The following PARD3B variants were observed in gnomAD, a reference collection of about 807,000 sequenced individuals.
The protein encoded by PARD3B is partitioning defective 3 homolog B.
A neutral mutation model predicts 130.2 loss-of-function variants in PARD3B; 103 were observed. That is an observed-to-expected ratio of 0.79 (90% CI 0.67 to 0.93). The LOEUF is 0.93. PARD3B is among the 40% of genes least tolerant of loss of function. The probability of loss-of-function intolerance (pLI) is 0.00; values close to 1 mark genes in which losing one functional copy is unlikely to be tolerated. For synonymous variants in PARD3B, 583 were observed against 553.2 expected (o/e 1.05, Z -0.76); for missense variants, 1,609 against 1,499.2 (o/e 1.07, Z -1.21).
chr2:204,931,595 A>G lies in PARD3B; in HGVS notation c.223-33557A>G, dbSNP rs1485416715. On this transcript the variant is annotated intron_variant, in intron 2 of 22. Coordinates refer to ENST00000406610, the MANE Select transcript of PARD3B (RefSeq NM_001302769.2). ...AAGTATAAATGCTTAGAAATTAACA[A>G]TTGTTTTTTTTTTTTCTCCTAAGGA... 3.0e-5 allele frequency among the ~76,000 whole-genome samples: 4 copies of G among 134,144 alleles called. No individual in the cohort carries two copies. In the East Asian group the frequency reaches 6.0e-4, roughly 20 times the overall value. 88.0% of individuals were successfully genotyped at this position (134,144 alleles called of 152,430 possible).
At chr2:204,923,858 T>C (rs373514450) in intron 2 of PARD3B, among the ~76,000 whole-genome samples, 1 of 152,204 alleles carries the variant, frequency 6.6e-6, no homozygotes. Flanking sequence ...CAAAAAATTA[T>C]AGTCAATTTC....
chr2:204,988,273 A>G (rs1008655420), intron 3 of PARD3B, among the ~76,000 whole-genome samples: 3 of 152,210 alleles, frequency 2.0e-5, no homozygotes, highest in Non-Finnish European at 2.9e-5. Context: ...ATTTTCTCAG[A>G]CAATGAATTT....
chr2:205,388,912 C>T (rs1360422160), intron 18 of PARD3B, among the ~76,000 whole-genome samples: 1 of 152,158 alleles, frequency 6.6e-6, no homozygotes, highest in African/African-American at 2.4e-5. Context: ...AATTACTCCT[C>T]ATTTTGCAGT....
At chr2:204,925,838 A>G (rs535538723) in intron 2 of PARD3B, among the ~76,000 whole-genome samples, 16 of 152,116 alleles carry the variant, frequency 1.1e-4, no homozygotes, top group Admixed American at 9.2e-4. Context: ...TCATGGGGGC[A>G]TTTTCCCCTG....
At position 205,116,143 on chromosome 2, in the gene PARD3B, A is replaced by T. The variant is rs1433250476; in HGVS notation, c.680+2566A>T. ...TCCCAGTAAAAACAAAGCAAACATAAAAAAAACACCAAAGTTCTTGCAACT... is the reference window on the plus strand; with the variant it reads ...TCCCAGTAAAAACAAAGCAAACATATAAAAAACACCAAAGTTCTTGCAACT... On this transcript the variant is annotated intron_variant, in intron 6 of 22. Coordinates refer to ENST00000406610, the MANE Select transcript of PARD3B (RefSeq NM_001302769.2). The surrounding 1 kb of genome is among the most constrained non-coding windows in gnomAD (Gnocchi z 4.5). Among the ~76,000 whole-genome samples the T allele has an allele frequency of 6.6e-6, 1 of 151,948 alleles. No homozygotes were observed. The highest frequency in any genetic ancestry group is 1.5e-5 in the Non-Finnish European group (1 of 68,010).
intron 2 of PARD3B, among the ~76,000 whole-genome samples, chr2:204,773,530 C>T (rs540491901): frequency 1.3e-5 from 2 of 152,170 alleles, no homozygotes; most frequent in South Asian, 2.1e-4. Context: ...CAAAACTCAA[C>T]GTTACTGTAA....
chr2:204,811,482 A>T (rs1200343246), intron 2 of PARD3B, among the ~76,000 whole-genome samples: 1 of 152,094 alleles, frequency 6.6e-6, no homozygotes, highest in Non-Finnish European at 1.5e-5. Flanking sequence ...AGTTGACATG[A>T]CTTGTAGATT....
At chr2:205,199,045 T>C (rs971907784) in intron 15 of PARD3B, among the ~76,000 whole-genome samples, 35 of 152,086 alleles carry the variant, frequency 2.3e-4, no homozygotes, top group African/African-American at 8.2e-4. Flanking sequence ...ATTTGTATAA[T>C]AGACAAGTAT....
At chr2:204,931,367 A>G (rs979740774) in intron 2 of PARD3B, among the ~76,000 whole-genome samples, 4 of 152,090 alleles carry the variant, frequency 2.6e-5, no homozygotes, top group African/African-American at 7.2e-5. Flanking sequence ...AGTGCCTGGC[A>G]TATGAAAAGT....
At chr2:204,957,201 T>TAAGATGGGTTTAATGTGGAA (rs1303972397) in intron 2 of PARD3B, among the ~76,000 whole-genome samples, 1 of 152,314 alleles carries the variant, frequency 6.6e-6, no homozygotes, top group East Asian at 1.9e-4. Context: ...TGATTCAATA[T>TAAGATGGGTTTAATGTGGAA]AAGATGGGTT....
chr2:205,464,600 AT>A (rs1219258780), intron 20 of PARD3B, among the ~76,000 whole-genome samples: 2 of 152,210 alleles, frequency 1.3e-5, no homozygotes, highest in Admixed American at 1.3e-4. Context: ...TATTGAAAAA[AT>A]ATTAGCATTT....
At chr2:205,528,813 A>C (rs928300105) in intron 21 of PARD3B, among the ~76,000 whole-genome samples, 1 of 152,136 alleles carries the variant, frequency 6.6e-6, no homozygotes, top group African/African-American at 2.4e-5. Flanking sequence ...ATACTCAACA[A>C]GCTAGCCTAA....
At chr2:204,981,509 C>T (rs1692665001) in intron 3 of PARD3B, among the ~76,000 whole-genome samples, 2 of 152,120 alleles carry the variant, frequency 1.3e-5, no homozygotes, top group Non-Finnish European at 2.9e-5. Flanking sequence ...AGTTGGTGGG[C>T]CAAGCATATG....
chr2:205,290,965 C>A (rs992466932), intron 16 of PARD3B, among the ~76,000 whole-genome samples: 2 of 152,150 alleles, frequency 1.3e-5, no homozygotes, highest in Non-Finnish European at 1.5e-5. Context: ...CACTTCCCAG[C>A]CTCCAGAACA....
At chr2:204,642,486 A>G (rs2035111885) in intron 1 of PARD3B, among the ~76,000 whole-genome samples, 1 of 152,216 alleles carries the variant, frequency 6.6e-6, no homozygotes, top group African/African-American at 2.4e-5. Flanking sequence ...AAGATTACTT[A>G]GAAAACTTTT....
At chr2:204,756,316 C>T (rs919861079) in intron 2 of PARD3B, among the ~76,000 whole-genome samples, 8 of 152,010 alleles carry the variant, frequency 5.3e-5, no homozygotes, top group African/African-American at 1.7e-4. Flanking sequence ...AGTAGTGTGG[C>T]CCTATCTTTG....
intron 12 of PARD3B, among the ~76,000 whole-genome samples, chr2:205,173,651 C>T (rs1261176442): frequency 6.6e-6 from 1 of 152,086 alleles, no homozygotes. Flanking sequence ...TATATAAGCT[C>T]GCAGATGTTA....
intron 18 of PARD3B, among the ~76,000 whole-genome samples, chr2:205,308,476 G>A (rs925832330): frequency 1.1e-4 from 16 of 151,794 alleles, no homozygotes; most frequent in Admixed American, 3.3e-4. Context: ...GCGTGGTGGC[G>A]GGCGCCTGTA....
chr2:205,383,147 TA>T, intron 18 of PARD3B, among the ~76,000 whole-genome samples: 1 of 46,598 alleles, frequency 2.1e-5, no homozygotes. Context: ...TAGATCGATC[TA>T]AACTATGTCT....
Sources: gnomAD v4.1 joint callset for allele counts (sites outside exome capture counted in the v4.1 genomes callset) on GRCh38, gnomAD v4.1.1 for gene constraint, Gnocchi (gnomAD v3.1) non-coding constraint, MANE v1.5 for transcripts, NCBI Gene and HGNC (gene_info 2026-07-23, HGNC 2026-07-21) for gene names.